CSMD3: variants seen among roughly 807,000 people sequenced by gnomAD.
CSMD3 encodes CUB and sushi domain-containing protein 3.
CSMD3 carries 177 observed loss-of-function variants against 435.2 expected under a neutral mutation model. That is an observed-to-expected ratio of 0.41 (90% CI 0.36 to 0.46). CSMD3 has a LOEUF of 0.46. CSMD3 is among the 20% of genes least tolerant of loss of function. CSMD3 has a pLI of 0.34. For synonymous variants in CSMD3, 1,656 were observed against 1,520.5 expected (o/e 1.09, Z -2.07); for missense variants, 4,265 against 4,504.6 (o/e 0.95, Z 1.52).
chr8:112,513,852 G>A (rs1178229429), intron 28 of CSMD3, among the ~76,000 whole-genome samples: 2 of 152,090 alleles, frequency 1.3e-5, no homozygotes, highest in Non-Finnish European at 2.9e-5. Flanking sequence ...GGGTAGGGGA[G>A]TAATTTTGTT....
chr8:112,581,100 T>A (rs141737368), intron 23 of CSMD3, among the ~76,000 whole-genome samples: 2 of 152,274 alleles, frequency 1.3e-5, no homozygotes, highest in East Asian at 3.9e-4. Flanking sequence ...GAGTGCTTTA[T>A]AAACATCATT....
chr8:112,429,758 ATT>A (rs1281507249), intron 32 of CSMD3, among the ~76,000 whole-genome samples: 1 of 152,076 alleles, frequency 6.6e-6, no homozygotes, highest in African/African-American at 2.4e-5. Flanking sequence ...AATGCTTATG[ATT>A]AAAATATTAA....
chr8:112,365,906 A>C (rs184007151), intron 38 of CSMD3, among the ~76,000 whole-genome samples: 5 of 152,322 alleles, frequency 3.3e-5, no homozygotes, highest in African/African-American at 1.2e-4. Flanking sequence ...CAACTGATTC[A>C]GCTTACACAA....
intron 32 of CSMD3, among the ~76,000 whole-genome samples, chr8:112,449,731 A>C (rs113105862): frequency 0.012 from 1,804 of 152,240 alleles, 31 homozygotes; most frequent in African/African-American, 0.041. Flanking sequence ...CTAAAGTTCT[A>C]ATAGGAATGT....
intron 1 of CSMD3, among the ~76,000 whole-genome samples, chr8:113,399,012 G>A (rs747250524): frequency 1.3e-3 from 187 of 145,628 alleles, no homozygotes; most frequent in Non-Finnish European, 2.2e-3. Flanking sequence ...AGGAAAAAAA[G>A]GAGGAAGTTT....
At chr8:112,358,243 T>A (rs1826833124) in intron 38 of CSMD3, among the ~76,000 whole-genome samples, 1 of 152,214 alleles carries the variant, frequency 6.6e-6, no homozygotes, top group South Asian at 2.1e-4. Flanking sequence ...CCAATGCCTG[T>A]ACCCCCACTG....
At chr8:113,056,751 A>C (rs934561171) in intron 5 of CSMD3, among the ~76,000 whole-genome samples, 3 of 152,172 alleles carry the variant, frequency 2.0e-5, no homozygotes, top group South Asian at 2.1e-4. Context: ...CTAGACCTGG[A>C]AATAGTCTCT....
rs1256041273 is a variant in CSMD3, at chr8:112,545,499, A to AT, written c.4564+5171_4564+5172insA. ...CTCCATCTCAAAAAAAAAAAAAAAA[A>AT]AAAATAATAATAATAATAATAATAA... On this transcript the variant is annotated intron_variant, in intron 27 of 70. Coordinates refer to ENST00000297405, the MANE Select transcript of CSMD3 (RefSeq NM_198123.2). Among the ~76,000 whole-genome samples, 225 of 141,054 alleles carry AT rather than the reference A, an allele frequency of 1.6e-3. 2 individuals are homozygous for AT. Among genetic ancestry groups the AT allele is most frequent in the Non-Finnish European group, 2.1e-3 (137 of 65,536 alleles). 92.5% of individuals were successfully genotyped at this position (141,054 alleles called of 152,430 possible).
At chr8:112,694,215 C>T (rs1020074679) in intron 13 of CSMD3, among the ~76,000 whole-genome samples, 1 of 151,854 alleles carries the variant, frequency 6.6e-6, no homozygotes, top group Non-Finnish European at 1.5e-5. Context: ...TATTCTAATG[C>T]AGCATATTTG....
intron 6 of CSMD3, among the ~76,000 whole-genome samples, chr8:113,007,811 A>G (rs1447959164): frequency 6.6e-6 from 1 of 151,882 alleles, no homozygotes; most frequent in African/African-American, 2.4e-5. Context: ...CATTTGTGAT[A>G]TTTTTCTTTT....
At chr8:112,809,816 A>G (rs938001612) in intron 12 of CSMD3, among the ~76,000 whole-genome samples, 4 of 152,114 alleles carry the variant, frequency 2.6e-5, no homozygotes, top group Non-Finnish European at 5.9e-5. Flanking sequence ...TTATAAATCC[A>G]TTCTCTACCC....
At chr8:113,298,822 A>G (rs115772847) in intron 2 of CSMD3, among the ~76,000 whole-genome samples, 326 of 152,264 alleles carry the variant, frequency 2.1e-3, no homozygotes, top group African/African-American at 7.5e-3. Flanking sequence ...CAAACAGTAG[A>G]GACTGAGGAA....
intron 4 of CSMD3, among the ~76,000 whole-genome samples, chr8:113,163,178 C>T (rs1163072908): frequency 6.6e-6 from 1 of 152,024 alleles, no homozygotes; most frequent in Non-Finnish European, 1.5e-5. Flanking sequence ...TTTCAGCCAT[C>T]GGATGCTGTG....
intron 17 of CSMD3, among the ~76,000 whole-genome samples, chr8:112,663,997 A>T (rs528692623): frequency 6.6e-5 from 10 of 152,210 alleles, no homozygotes; most frequent in African/African-American, 2.4e-4. Context: ...ATGGCGGTGA[A>T]GTCTTTTTAC....
chr8:113,228,817 T>C (rs2093054783), intron 3 of CSMD3, among the ~76,000 whole-genome samples: 2 of 151,408 alleles, frequency 1.3e-5, no homozygotes, highest in Non-Finnish European at 1.5e-5. Flanking sequence ...TAACAAAGGG[T>C]AGGTAAATTA....
At chr8:112,563,189 A>G (rs548573024) in intron 24 of CSMD3, among the ~76,000 whole-genome samples, 10 of 151,834 alleles carry the variant, frequency 6.6e-5, no homozygotes, top group Admixed American at 2.6e-4. Flanking sequence ...TTTCTCATTA[A>G]TAGAACTAAT....
At chr8:113,377,840 A>C (rs1483159854) in intron 1 of CSMD3, among the ~76,000 whole-genome samples, 2 of 152,182 alleles carry the variant, frequency 1.3e-5, no homozygotes, top group Non-Finnish European at 2.9e-5. Flanking sequence ...TATTTATTCA[A>C]TACTTTCAAA....
Position 112,650,299 on chromosome 8 carries a change from C to T in CSMD3, c.3055G>A (p.Gly1019Ser), listed in dbSNP as rs1458228941. The T allele has an allele frequency of 3.7e-6, 6 of 1,613,728 alleles. No individual in the cohort carries two copies. The highest frequency in any genetic ancestry group is 2.2e-5 in the East Asian group (1 of 44,848). The change falls in exon 19 of 71, where the codon GGC becomes AGC. Residue 1019 changes from glycine (G) to serine (S), a missense_variant. Transcript: ENST00000297405. ...GAGAAATCATGACCATAGCGACGGC[C>T]ATGTACAGGTATGCCAGGGTCCAAA... ...SCLDPGIPVH[G>S]RRYGHDFSIG...
intron 31 of CSMD3, among the ~76,000 whole-genome samples, chr8:112,489,906 T>C (rs900961718): frequency 5.3e-5 from 8 of 152,148 alleles, no homozygotes; most frequent in Admixed American, 5.2e-4. Flanking sequence ...GTAACAATTA[T>C]CTCTTAGGGA....
Sources: allele counts gnomAD v4.1 joint callset (sites outside exome capture counted in the v4.1 genomes callset), GRCh38; gene constraint gnomAD v4.1.1; transcripts MANE v1.5; gene names NCBI Gene and HGNC (gene_info 2026-07-23, HGNC 2026-07-21).